FAM174B: variants seen among roughly 807,000 people sequenced by gnomAD.
FAM174B encodes family with sequence similarity 174 member B.
In FAM174B, 12 loss-of-function variants were observed where a neutral mutation model predicts 10.9. That is an observed-to-expected ratio of 1.10 (90% CI 0.71 to 1.79). FAM174B has a LOEUF of 1.79. FAM174B is among the 40% of genes most tolerant of loss of function. FAM174B has a pLI of 0.00. For missense variants in FAM174B, 266 were observed against 233.3 expected, an observed-to-expected ratio of 1.14 and a Z score of -0.91; for synonymous variants, 132 against 115.8, an observed-to-expected ratio of 1.14 and a Z score of -0.90.
rs1206498016 is a variant in FAM174B at position 92,619,036 on chromosome 15, G to A, written c.*420C>T. 4.8e-5 allele frequency: 24 copies of A among 495,752 alleles called. No individual in the cohort carries two copies. The highest frequency in any genetic ancestry group is 5.2e-4 in the Middle Eastern group (1 of 1,924). The allele number at this position is 495,752 out of a possible 1,614,324, so 30.7% of individuals were successfully genotyped here. A position where few individuals can be genotyped will look rare whatever the true frequency, so the allele number is the denominator to read the frequency against. The stretch of plus-strand genomic sequence containing the variant: ...TGTAGATCCAGTAGAGAAGAATGTC[G>A]GAAATTCTAAATACACAGTTGGACA... On this transcript the variant is annotated 3_prime_UTR_variant, in exon 3 of 3. Transcript: ENST00000327355.
chr15:92,633,244 G>A (rs186038161), intron 1 of FAM174B, among the ~76,000 whole-genome samples: 1 of 152,282 alleles, frequency 6.6e-6, no homozygotes, highest in East Asian at 1.9e-4. Context: ...TCAGCACGGA[G>A]AAACTCTCCA....
intron 1 of FAM174B, among the ~76,000 whole-genome samples, chr15:92,640,332 A>T (rs974469688): frequency 6.6e-6 from 1 of 152,020 alleles, no homozygotes; most frequent in African/African-American, 2.4e-5. Flanking sequence ...TGGGCAGATC[A>T]CCTGAGGTCA....
chr15:92,653,859 G>A (rs1348462957), intron 1 of FAM174B, among the ~76,000 whole-genome samples: 1 of 152,278 alleles, frequency 6.6e-6, no homozygotes, highest in Admixed American at 6.5e-5. Context: ...CTGCGTTGCA[G>A]ACGGGGGCCA....
intron 2 of FAM174B, among the ~76,000 whole-genome samples, chr15:92,625,231 T>G (rs2050745598): frequency 6.9e-6 from 1 of 144,990 alleles, no homozygotes; most frequent in African/African-American, 2.5e-5. Flanking sequence ...CTTCATTTCC[T>G]ACCTGGCTGA....
At chr15:92,631,369 ATATATAATATAT>A (rs2050811677) in intron 1 of FAM174B, among the ~76,000 whole-genome samples, 1 of 34,298 alleles carries the variant, frequency 2.9e-5, no homozygotes, top group African/African-American at 1.7e-4. Flanking sequence ...ATATTATATT[ATATATAATATAT>A]TATATATTAT....
intron 2 of FAM174B, among the ~76,000 whole-genome samples, chr15:92,628,111 T>TA (rs1272362178): frequency 6.6e-6 from 1 of 152,196 alleles, no homozygotes; most frequent in African/African-American, 2.4e-5. Flanking sequence ...AAATAGTTGT[T>TA]ACACTGTATT....
At position 92,644,395 on chromosome 15, in the gene FAM174B, TG is replaced by T. The variant is rs368366638; in HGVS notation, c.344+10920del. Among the ~76,000 whole-genome samples the T allele has an allele frequency of 6.6e-3, 1,010 of 152,248 alleles. 5 individuals are homozygous for T. Among genetic ancestry groups the T allele is most frequent in the Non-Finnish European group, 0.012 (788 of 68,016 alleles). ...AAATCTCATCTTACTCCACTGCAGA[TG>T]GGCCACTTCAGACAAATAAGTCACA... On this transcript the variant is annotated intron_variant, in intron 1 of 2. Transcript: ENST00000327355.
intron 1 of FAM174B, among the ~76,000 whole-genome samples, chr15:92,641,741 A>G (rs2050893464): frequency 6.6e-6 from 1 of 152,190 alleles, no homozygotes; most frequent in Non-Finnish European, 1.5e-5. Context: ...AATCTTTGCG[A>G]CACTAGATTA....
chr15:92,655,728 G>C lies in FAM174B; in HGVS notation c.-69C>G. ...GAGCTCCAGGATCCGCACCAGCACG[G>C]AGGCCTGCACCGGGGGATCCTGCGG... is the stretch of plus-strand genomic sequence containing the variant. On this transcript the variant is annotated 5_prime_UTR_variant, in exon 1 of 3. Transcript: ENST00000327355. 1 of 1,184,746 alleles carries C rather than the reference G, an allele frequency of 8.4e-7. No homozygotes were observed. Among genetic ancestry groups the C allele is most frequent in the South Asian group, 4.1e-5 (1 of 24,564 alleles). The allele number at this position is 1,184,746 out of a possible 1,614,324, so 73.4% of individuals were successfully genotyped here.
intron 2 of FAM174B, among the ~76,000 whole-genome samples, chr15:92,628,347 T>A (rs2050767712): frequency 6.9e-6 from 1 of 145,838 alleles, no homozygotes; most frequent in Non-Finnish European, 1.5e-5. Flanking sequence ...GCTTTTTTTT[T>A]TTTTTTTTTT....
rs2050695747 is a variant in FAM174B at position 92,618,647 on chromosome 15, G to A, written c.*809C>T. On this transcript the variant is annotated 3_prime_UTR_variant, in exon 3 of 3. Coordinates refer to ENST00000327355, the MANE Select transcript of FAM174B (RefSeq NM_207446.3). ...CAGAGGAACAACAAAAAAGCACAAA[G>A]AATGTTGCTAATCACAGGCTGCCTA... 6.5e-6 allele frequency: 1 copy of A among 153,084 alleles called. No individual in the cohort carries two copies. The highest frequency in any genetic ancestry group is 6.5e-5 in the Admixed American group (1 of 15,318). The allele number at this position is 153,084 out of a possible 1,614,324, so 9.5% of individuals were successfully genotyped here. A position where few individuals can be genotyped will look rare whatever the true frequency, so the allele number is the denominator to read the frequency against.
rs77219739 is a variant in FAM174B, at chr15:92,646,688, C to T, written c.344+8628G>A. The stretch of plus-strand genomic sequence containing the variant: ...ACAATCTATTCTCTCCAAAGCCTGC[C>T]ACCTGGAGGCTTCGCCTGCATAATA... On this transcript the variant is annotated intron_variant, in intron 1 of 2. Coordinates refer to ENST00000327355, the MANE Select transcript of FAM174B (RefSeq NM_207446.3). 4.6e-3 allele frequency among the ~76,000 whole-genome samples: 697 copies of T among 152,332 alleles called. 3 individuals carry two copies. The highest frequency in any genetic ancestry group is 0.016 in the African/African-American group (673 of 41,568).
chr15:92,622,758 C>T (rs2050727919), intron 2 of FAM174B, among the ~76,000 whole-genome samples: 1 of 152,248 alleles, frequency 6.6e-6, no homozygotes, highest in Non-Finnish European at 1.5e-5. Context: ...GTGGTCCTCT[C>T]GAACTTGTAG....
intron 2 of FAM174B, among the ~76,000 whole-genome samples, chr15:92,625,241 A>T (rs2050745627): frequency 1.3e-5 from 2 of 151,452 alleles, no homozygotes; most frequent in South Asian, 4.2e-4. Flanking sequence ...TACCTGGCTG[A>T]AAACTTCGAG....
intron 1 of FAM174B, among the ~76,000 whole-genome samples, chr15:92,630,940 TTA>T (rs1373045275): frequency 5.8e-5 from 1 of 17,294 alleles, no homozygotes; most frequent in South Asian, 3.0e-3. Context: ...ATATTACATA[TTA>T]TATATTATAT....
intron 1 of FAM174B, among the ~76,000 whole-genome samples, chr15:92,650,132 A>T (rs2050955864): frequency 6.6e-6 from 1 of 152,228 alleles, no homozygotes. Context: ...CTAAATGCTA[A>T]AAGTATTAAG....
chr15:92,633,126 C>CTTAT (rs1477302894), intron 1 of FAM174B, among the ~76,000 whole-genome samples: 4 of 152,060 alleles, frequency 2.6e-5, no homozygotes, highest in Admixed American at 1.3e-4. Flanking sequence ...CCCAGAAAGT[C>CTTAT]ATAAACGGGG....
intron 1 of FAM174B, among the ~76,000 whole-genome samples, chr15:92,646,051 G>A (rs2050925075): frequency 6.7e-6 from 1 of 150,210 alleles, no homozygotes; most frequent in African/African-American, 2.5e-5. Context: ...CTTCAGGACA[G>A]CCTGACACTT....
intron 1 of FAM174B, among the ~76,000 whole-genome samples, chr15:92,640,369 T>C (rs1596300745): frequency 6.6e-6 from 1 of 151,946 alleles, no homozygotes; most frequent in Non-Finnish European, 1.5e-5. Context: ...CTAGCTAACA[T>C]GGTGAAACCC....
Sources: gnomAD v4.1 joint callset for allele counts (sites outside exome capture counted in the v4.1 genomes callset) on GRCh38, gnomAD v4.1.1 for gene constraint, MANE v1.5 for transcripts, NCBI Gene and HGNC (gene_info 2026-07-23, HGNC 2026-07-21) for gene names.